The following NDST2 variants were observed in gnomAD, a reference collection of about 807,000 sequenced individuals.
NDST2 encodes the protein N-deacetylase and N-sulfotransferase 2.
NDST2 carries 32 observed loss-of-function variants against 86.9 expected under a neutral mutation model. The ratio of observed to expected loss-of-function variants is 0.37; its 90% confidence interval spans 0.28 to 0.49. NDST2 has a LOEUF of 0.49. Ranked by LOEUF, NDST2 falls within the 20% of genes least tolerant of loss-of-function variation. NDST2 has a pLI of 0.97. For missense variants in NDST2, 950 were observed against 1,146.9 expected (o/e 0.83, Z 2.48); for synonymous variants, 409 against 437.0 (o/e 0.94, Z 0.80).
rs375786478 is a variant in NDST2, at chr10:73,806,052, T to G, written c.1435-24A>C. ...ACCTGGAGGGAAAAGAAAAAACAGATGAGATTTGAAAGATAGAATGAGAAG... is the reference window on the plus strand; with the variant it reads ...ACCTGGAGGGAAAAGAAAAAACAGAGGAGATTTGAAAGATAGAATGAGAAG... On this transcript the variant is annotated intron_variant, in intron 6 of 14. Transcript: ENST00000309979. The surrounding 1 kb of genome is among the most constrained non-coding windows in gnomAD (Gnocchi z 4.5). The G allele has an allele frequency of 1.7e-5, 27 of 1,611,248 alleles. No homozygotes were observed. Among genetic ancestry groups the G allele is most frequent in the Non-Finnish European group, 2.0e-5 (24 of 1,179,002 alleles).
chr10:73,803,455 C>G (rs917674013), intron 11 of NDST2, 96 bp from the exon 12 acceptor site: 1 of 1,547,132 alleles, frequency 6.5e-7, no homozygotes, highest in East Asian at 2.3e-5. Flanking sequence ...CACGGGTACC[C>G]GTCCCCAAGG....
rs371340932 is a variant in NDST2 at position 73,810,795 on chromosome 10, G to C, written c.-342+4C>G. 184 of 399,082 alleles carry C rather than the reference G, an allele frequency of 4.6e-4. 8 individuals are homozygous for C. Among genetic ancestry groups the C allele is most frequent in the African/African-American group, 3.2e-3 (156 of 48,780 alleles). The allele number at this position is 399,082 out of a possible 1,614,324, so 24.7% of individuals were successfully genotyped here. Reference sequence around the variant, plus strand: ...CATATGAGTAACTCAGAGAAGCTTAGAACCTTGCCCAGGATCACACAGCTC... The same window carrying C: ...CATATGAGTAACTCAGAGAAGCTTACAACCTTGCCCAGGATCACACAGCTC... On this transcript the variant is annotated splice_donor_region_variant and intron_variant, in intron 2 of 14. Transcript: ENST00000309979.
chr10:73,811,042 G>A lies in NDST2; in HGVS notation c.-446-139C>T, dbSNP rs1046260982. ...AGGACGGCGAAGCCAGACGGGGGCCGGGGCCGGGCCCGGGCTTGGGGAGGC... is the reference window on the plus strand; with the variant it reads ...AGGACGGCGAAGCCAGACGGGGGCCAGGGCCGGGCCCGGGCTTGGGGAGGC... On this transcript the variant is annotated intron_variant, in intron 1 of 14. Transcript: ENST00000309979. The A allele has an allele frequency of 1.0e-5, 4 of 390,012 alleles. No homozygotes were observed. In the South Asian group the frequency reaches 5.3e-4, roughly 52 times the overall value. The allele number at this position is 390,012 out of a possible 1,614,324, so 24.2% of individuals were successfully genotyped here.
At chr10:73,804,267 C>G (rs1280912597) in intron 9 of NDST2, among the ~76,000 whole-genome samples, 1 of 152,132 alleles carries the variant, frequency 6.6e-6, no homozygotes, top group African/African-American at 2.4e-5. Context: ...GATATACAAC[C>G]AGGGTTAGGA....
Position 73,806,233 on chromosome 10 carries a change from T to G in NDST2, c.1434+56A>C, listed in dbSNP as rs935822025. The G allele has an allele frequency of 1.1e-5, 17 of 1,604,010 alleles. No individual in the cohort carries two copies. Among genetic ancestry groups the G allele is most frequent in the Admixed American group, 3.3e-5 (2 of 59,956 alleles). ...GATAGAGAACATAGGTCAATGCATG[T>G]TGAAAGCTGTCTAAATGTTAGAGTT... On this transcript the variant is annotated intron_variant, in intron 6 of 14. Coordinates refer to ENST00000309979, the MANE Select transcript of NDST2 (RefSeq NM_003635.4). The surrounding 1 kb of genome is among the most constrained non-coding windows in gnomAD (Gnocchi z 4.5).
Position 73,808,096 on chromosome 10 carries a change from A to G in NDST2, c.293T>C (p.Leu98Pro). The change falls in exon 3 of 15, where the codon CTG becomes CCG. Residue 98 changes from leucine (L) to proline (P), a missense_variant. Leu to Pro is a moderately conservative substitution (Grantham distance 98, BLOSUM62 -3). Coordinates refer to ENST00000309979, the MANE Select transcript of NDST2 (RefSeq NM_003635.4). The surrounding 1 kb of genome is among the most constrained non-coding windows in gnomAD (Gnocchi z 4.3). Reference sequence around the variant, plus strand: ...CAGGATGGCCACAATTTCCTGCCCCAGCTGTGAGTATGCACTCTCCACAAA... The same window carrying G: ...CAGGATGGCCACAATTTCCTGCCCCGGCTGTGAGTATGCACTCTCCACAAA... ...LVFVESAYSQ[L>P]GQEIVAILES... 1 of 1,614,224 alleles carries G rather than the reference A, an allele frequency of 6.2e-7. No individual in the cohort carries two copies. Among genetic ancestry groups the G allele is most frequent in the Non-Finnish European group, 8.5e-7 (1 of 1,180,038 alleles).
chr10:73,803,313 T>G lies in NDST2; in HGVS notation c.2189A>C (p.Tyr730Ser), dbSNP rs140148133. The G allele has an allele frequency of 9.5e-5, 154 of 1,613,970 alleles. No homozygotes were observed. Among genetic ancestry groups the G allele is most frequent in the Middle Eastern group, 6.6e-4 (4 of 6,084 alleles). The stretch of plus-strand genomic sequence containing the variant: ...CTGGGAGGAGGCTGAAATCACCTGA[T>G]AGAAGGTATAGTTCAGAGCAACTGG... ...GDPVALNYTFYQVISASSQTP... is the reference protein window; with the variant it reads ...GDPVALNYTFSQVISASSQTP... The change falls in exon 12 of 15, where the codon TAT becomes TCT. Residue 730 changes from tyrosine to serine, a missense_variant. This residue lies in a region of NDST2 where 303 missense variants were observed against 323.7 expected (regional missense o/e 0.94). Coordinates refer to ENST00000309979, the MANE Select transcript of NDST2 (RefSeq NM_003635.4).
chr10:73,810,642 G>C (rs950452315), intron 2 of NDST2, 157 bp downstream of exon 2: 4 of 389,968 alleles, frequency 1.0e-5, no homozygotes, highest in African/African-American at 8.3e-5. Flanking sequence ...TGATACTCAG[G>C]GTGTATCATC....
At chr10:73,809,199 T>G (rs1316619529) in intron 2 of NDST2, 1 of 152,268 alleles carries the variant, frequency 6.6e-6, no homozygotes, top group Non-Finnish European at 1.5e-5. Context: ...AAGGAACTCA[T>G]GAGTCTGTTA....
In NDST2 at chr10:73,803,832, G is replaced by C. The variant is rs1022113778; in HGVS notation, c.1967+61C>G. The C allele has an allele frequency of 8.1e-6, 13 of 1,613,476 alleles. No homozygotes were observed. In the African/African-American group the frequency reaches 1.6e-4, roughly 20 times the overall value. Reference sequence around the variant, plus strand: ...AGTCTGTGCTGAGGGAAGCTGGAATGGGGTATTTTGGGGGAAGGGAGTGTT... The same window carrying C: ...AGTCTGTGCTGAGGGAAGCTGGAATCGGGTATTTTGGGGGAAGGGAGTGTT... On this transcript the variant is annotated intron_variant, in intron 10 of 14. Transcript: ENST00000309979.
chr10:73,809,996 T>C (rs1466604870), intron 2 of NDST2, among the ~76,000 whole-genome samples: 1 of 152,120 alleles, frequency 6.6e-6, no homozygotes, highest in Admixed American at 6.6e-5. Context: ...CTCAGCCTCC[T>C]GAGTCTGTTC....
chr10:73,809,701 A>T (rs1388551461), intron 2 of NDST2, among the ~76,000 whole-genome samples: 1 of 152,222 alleles, frequency 6.6e-6, no homozygotes, highest in Non-Finnish European at 1.5e-5. Flanking sequence ...CAGTGTGATC[A>T]GAAAACAGTT....
chr10:73,807,309 A>T (rs2084120443), intron 3 of NDST2, 75 bp downstream of exon 3: 1 of 1,586,826 alleles, frequency 6.3e-7, no homozygotes, highest in African/African-American at 1.3e-5. Flanking sequence ...TGACAAGCTC[A>T]GAATCAAGGA....
chr10:73,805,347 T>C (rs2084081459), intron 8 of NDST2, among the ~76,000 whole-genome samples: 1 of 151,906 alleles, frequency 6.6e-6, no homozygotes, highest in Admixed American at 6.6e-5. Flanking sequence ...ACCCCGTCTC[T>C]ACTAAAAATA....
At chr10:73,805,505 T>C (rs560486531) in intron 8 of NDST2, 82 bp downstream of exon 8, 2 of 1,375,110 alleles carry the variant, frequency 1.5e-6, no homozygotes, top group African/African-American at 2.9e-5. Context: ...CAGAGCGAGA[T>C]TCTGTCTCAA....
intron 2 of NDST2, among the ~76,000 whole-genome samples, chr10:73,810,294 C>T (rs533905279): frequency 5.0e-4 from 76 of 152,076 alleles, no homozygotes; most frequent in Middle Eastern, 3.4e-3. Context: ...CCCGTCTCTA[C>T]TAAAAATACA....
rs2084269252 is a variant in NDST2, at chr10:73,811,552, C to T, written c.-525G>A. 6.6e-6 allele frequency: 1 copy of T among 152,182 alleles called. No individual in the cohort carries two copies. The highest frequency in any genetic ancestry group is 2.4e-5 in the African/African-American group (1 of 41,456). The allele number at this position is 152,182 out of a possible 1,614,324, so 9.4% of individuals were successfully genotyped here. On this transcript the variant is annotated 5_prime_UTR_variant, in exon 1 of 15. An upstream open reading frame in the 5' UTR gains an earlier in-frame stop. Transcript: ENST00000309979. ...CTGCCCGGCTTCCCTGCTTTCGGGGCCACGGGCCGCGTCGCGGCTGCTCCG... is the reference window on the plus strand; with the variant it reads ...CTGCCCGGCTTCCCTGCTTTCGGGGTCACGGGCCGCGTCGCGGCTGCTCCG...
At position 73,802,529 on chromosome 10, in the gene NDST2, C is replaced by T. The variant is rs767369335; in HGVS notation, c.2574G>A (p.Leu858=). The change falls in exon 15 of 15, where the codon TTG becomes TTA. Residue 858 remains leucine (L), a synonymous_variant. Coordinates refer to ENST00000309979, the MANE Select transcript of NDST2 (RefSeq NM_003635.4). The stretch of plus-strand genomic sequence containing the variant: ...GTCCAAGCCGGCTCAGCAGCTTCGA[C>T]AACTCCAAATTATGGTTCCGGAAAA... ...TDFFRNHNLE[L]SKLLSRLGQP... The T allele has an allele frequency of 6.2e-7, 1 of 1,614,112 alleles. No homozygotes were observed. The highest frequency in any genetic ancestry group is 2.2e-5 in the East Asian group (1 of 44,886).
At chr10:73,803,517 T>TGGGGGGGGGGGGCGGGGGGGG in intron 11 of NDST2, 57 bp downstream of exon 11, 1 of 1,189,314 alleles carries the variant, frequency 8.4e-7, no homozygotes, top group Non-Finnish European at 1.2e-6. Flanking sequence ...TAGCAGTCAC[T>TGGGGGGGGGGGGCGGGGGGGG]GTCCCCTCCC....
Sources: allele counts gnomAD v4.1 joint callset (sites outside exome capture counted in the v4.1 genomes callset), GRCh38; gene constraint gnomAD v4.1.1; regional missense constraint gnomAD v4.1.1; non-coding constraint Gnocchi (gnomAD v3.1); transcripts MANE v1.5; gene names NCBI Gene and HGNC (gene_info 2026-07-23, HGNC 2026-07-21).